BMP2K: variants seen among roughly 807,000 people sequenced by gnomAD.
The protein encoded by BMP2K is BMP-2-inducible protein kinase.
BMP2K carries 74 observed loss-of-function variants against 116.0 expected under a neutral mutation model. That is an observed-to-expected ratio of 0.64 (90% CI 0.53 to 0.77). BMP2K has a LOEUF of 0.77. Among genes scored for constraint, BMP2K ranks in the 30% least tolerant of loss-of-function variants. BMP2K has a pLI of 0.00. For missense variants in BMP2K, 1,365 were observed against 1,403.6 expected (o/e 0.97, Z 0.44); for synonymous variants, 486 against 502.5 (o/e 0.97, Z 0.44).
chr4:78,861,945 C>G (rs1443915876), intron 9 of BMP2K, among the ~76,000 whole-genome samples: 1 of 151,710 alleles, frequency 6.6e-6, no homozygotes, highest in East Asian at 1.9e-4. Context: ...TCTTATTTTT[C>G]AGAGTATTTA....
chr4:78,864,518 G>A (rs890053497), intron 9 of BMP2K, among the ~76,000 whole-genome samples: 2 of 150,880 alleles, frequency 1.3e-5, no homozygotes, highest in African/African-American at 4.9e-5. Flanking sequence ...TTCAGAAAAC[G>A]GCATACATAT....
chr4:78,795,518 A>G (rs1385910881), intron 1 of BMP2K, among the ~76,000 whole-genome samples: 2 of 152,192 alleles, frequency 1.3e-5, no homozygotes, highest in African/African-American at 2.4e-5. Flanking sequence ...CAATGGCAAC[A>G]AAAGACAAAA....
intron 14 of BMP2K, among the ~76,000 whole-genome samples, chr4:78,880,291 C>G (rs1264173916): frequency 6.6e-6 from 1 of 152,180 alleles, no homozygotes; most frequent in Non-Finnish European, 1.5e-5. Context: ...AGGCTGGTCT[C>G]AAACTCCTGA....
intron 7 of BMP2K, among the ~76,000 whole-genome samples, chr4:78,852,154 C>G (rs1342497511): frequency 6.6e-6 from 1 of 151,418 alleles, no homozygotes; most frequent in Admixed American, 6.6e-5. Context: ...TTCTTTTTTT[C>G]TCTGTGTGTA....
intron 1 of BMP2K, among the ~76,000 whole-genome samples, chr4:78,810,453 A>G (rs1213580924): frequency 1.3e-5 from 2 of 152,202 alleles, no homozygotes; most frequent in Non-Finnish European, 2.9e-5. Flanking sequence ...TGTAGCTATT[A>G]TCACTGCCTA....
In BMP2K at chr4:78,785,343, C is replaced by A. The variant is rs114177365; in HGVS notation, c.178+8622C>A. On this transcript the variant is annotated intron_variant, in intron 1 of 15. Coordinates refer to ENST00000502613, the MANE Select transcript of BMP2K (RefSeq NM_198892.2). Reference sequence around the variant, plus strand: ...CCAGGCTGGTTTCTTAACTTCTGACCTCAGGTGATCTGCCCACCTTGGCTT... The same window carrying A: ...CCAGGCTGGTTTCTTAACTTCTGACATCAGGTGATCTGCCCACCTTGGCTT... 6.2e-3 allele frequency among the ~76,000 whole-genome samples: 936 copies of A among 152,168 alleles called. 13 individuals are homozygous for A. Among genetic ancestry groups the A allele is most frequent in the African/African-American group, 0.021 (890 of 41,484 alleles).
intron 11 of BMP2K, among the ~76,000 whole-genome samples, chr4:78,871,515 C>T (rs972979534): frequency 3.3e-5 from 5 of 152,230 alleles, no homozygotes; most frequent in African/African-American, 1.2e-4. Flanking sequence ...GAAGACACCA[C>T]TGAAGGGGAG....
chr4:78,832,626 TAGTCTTGTACTTTTGTACAAG>T, intron 2 of BMP2K, among the ~76,000 whole-genome samples: 1 of 152,102 alleles, frequency 6.6e-6, no homozygotes, highest in East Asian at 1.9e-4. Flanking sequence ...CAAGATATTA[TAGTCTTGTACTTTTGTACAAG>T]ACTTCTTTCT....
At chr4:78,808,264 CCTTT>C (rs997286286) in intron 1 of BMP2K, among the ~76,000 whole-genome samples, 2 of 146,252 alleles carry the variant, frequency 1.4e-5, no homozygotes, top group African/African-American at 2.5e-5. Context: ...GATCTTGCTT[CCTTT>C]TTTTTTTTTT....
intron 6 of BMP2K, among the ~76,000 whole-genome samples, chr4:78,850,583 C>T (rs552049960): frequency 1.3e-4 from 20 of 151,830 alleles, no homozygotes; most frequent in African/African-American, 4.8e-4. Flanking sequence ...AAAGAAGAAG[C>T]TTTATACTTT....
At chr4:78,860,111 C>A (rs1021531697) in intron 8 of BMP2K, 1 of 505,342 alleles carries the variant, frequency 2.0e-6, no homozygotes. Flanking sequence ...ATAAAGAGCA[C>A]AGGCCTTGTT....
chr4:78,825,668 C>T (rs1729833131), intron 1 of BMP2K, among the ~76,000 whole-genome samples: 1 of 152,148 alleles, frequency 6.6e-6, no homozygotes, highest in Non-Finnish European at 1.5e-5. Flanking sequence ...TGAATAACGT[C>T]AGTGTTTTGT....
At position 78,911,894 on chromosome 4, in the gene BMP2K, A is replaced by G. The variant is rs1734641276; in HGVS notation, c.3347A>G (p.Asp1116Gly). ...CTACATGGGTCATTCCATAGTGCAGATGTATTGAAAATGGATGATTTTGGT... is the reference window on the plus strand; with the variant it reads ...CTACATGGGTCATTCCATAGTGCAGGTGTATTGAAAATGGATGATTTTGGT... Reference protein sequence around the residue: ...NSLHGSFHSADVLKMDDFGAV... With the variant: ...NSLHGSFHSAGVLKMDDFGAV... Residue 1116 changes from aspartate (D) to glycine (G), a missense_variant, in exon 16 of 16, where the codon GAT becomes GGT. Coordinates refer to ENST00000502613, the MANE Select transcript of BMP2K (RefSeq NM_198892.2). 1.2e-6 allele frequency: 2 copies of G among 1,613,856 alleles called. No individual in the cohort carries two copies. The highest frequency in any genetic ancestry group is 2.2e-5 in the South Asian group (2 of 91,082).
chr4:78,897,140 A>T (rs1292348580), intron 15 of BMP2K, among the ~76,000 whole-genome samples: 1 of 152,064 alleles, frequency 6.6e-6, no homozygotes, highest in Admixed American at 6.5e-5. Flanking sequence ...GATATTGCTG[A>T]TGGCATAAAT....
At chr4:78,866,245 T>A (rs1253361769) in intron 10 of BMP2K, among the ~76,000 whole-genome samples, 7 of 152,098 alleles carry the variant, frequency 4.6e-5, no homozygotes, top group African/African-American at 9.7e-5. Flanking sequence ...TTAAAAAAAA[T>A]TTTTCCCCCC....
chr4:78,878,119 A>G lies in BMP2K; in HGVS notation c.1794-615A>G, dbSNP rs1732719817. The stretch of plus-strand genomic sequence containing the variant: ...ACTTTAAATACTATAATAATTTATT[A>G]TATGCAAAAATAACCCTCATTTAAC... On this transcript the variant is annotated intron_variant, in intron 13 of 15. Coordinates refer to ENST00000502613, the MANE Select transcript of BMP2K (RefSeq NM_198892.2). Among the ~76,000 whole-genome samples, 4 of 152,302 alleles carry G rather than the reference A, an allele frequency of 2.6e-5. No homozygotes were observed. The South Asian group carries it at 8.3e-4, about 32-fold the overall frequency.
At chr4:78,854,047 A>G (rs185222166) in intron 7 of BMP2K, among the ~76,000 whole-genome samples, 76 of 152,130 alleles carry the variant, frequency 5.0e-4, no homozygotes, top group Admixed American at 1.5e-3. Flanking sequence ...GATCTACCAA[A>G]GGCTTACCAT....
At chr4:78,811,186 T>G (rs1489647163) in intron 1 of BMP2K, among the ~76,000 whole-genome samples, 2 of 152,214 alleles carry the variant, frequency 1.3e-5, no homozygotes, top group Non-Finnish European at 2.9e-5. Context: ...CCTGTTAGAT[T>G]GTAGGGATAC....
chr4:78,868,572 C>T, intron 10 of BMP2K, among the ~76,000 whole-genome samples: 1 of 152,182 alleles, frequency 6.6e-6, no homozygotes, highest in East Asian at 1.9e-4. Context: ...TCCAAGGTCT[C>T]CTCTGAGACA....
Sources: gnomAD v4.1 joint callset for allele counts (sites outside exome capture counted in the v4.1 genomes callset) on GRCh38, gnomAD v4.1.1 for gene constraint, MANE v1.5 for transcripts, NCBI Gene and HGNC (gene_info 2026-07-23, HGNC 2026-07-21) for gene names.